Variants in GPR137C observed in about 807,000 individuals in gnomAD.
GPR137C encodes G protein-coupled receptor 137C.
Under a neutral mutation model 43.4 loss-of-function variants are expected in GPR137C, and 27 were observed. The ratio of observed to expected loss-of-function variants is 0.62; its 90% CI spans 0.46 to 0.86. The LOEUF (loss-of-function observed/expected upper bound fraction) is 0.86. Among genes scored for constraint, GPR137C ranks in the 40% least tolerant of loss-of-function variants. The probability of loss-of-function intolerance (pLI) is 0.00; values close to 1 mark genes in which losing one functional copy is unlikely to be tolerated. For synonymous variants in GPR137C, 285 were observed against 226.9 expected (o/e 1.26, Z -2.30); for missense variants, 522 against 534.6 (o/e 0.98, Z 0.23).
intron 3 of GPR137C, among the ~76,000 whole-genome samples, chr14:52,607,491 T>C (rs571263176): frequency 7.4e-4 from 112 of 152,364 alleles, no homozygotes; most frequent in African/African-American, 2.7e-3. Context: ...GTTGGATGTA[T>C]ATATATTTAT....
rs28360880 is a variant in GPR137C, at chr14:52,601,498, G to A, written c.717+1157G>A. The stretch of plus-strand genomic sequence containing the variant: ...ATATTATGTGTGTGTGTGTGTGTGT[G>A]TATATATATATAGAGAGAGAGAGAG... On this transcript the variant is annotated intron_variant, in intron 3 of 6. Coordinates refer to ENST00000321662, the MANE Select transcript of GPR137C (RefSeq NM_001099652.2). 4.4e-3 allele frequency among the ~76,000 whole-genome samples: 652 copies of A among 148,276 alleles called. 1 individual carries two copies. Among genetic ancestry groups the A allele is most frequent in the African/African-American group, 0.01 (419 of 40,754 alleles).
intron 1 of GPR137C, among the ~76,000 whole-genome samples, chr14:52,592,441 T>C (rs1318840325): frequency 6.6e-6 from 1 of 152,234 alleles, no homozygotes; most frequent in Non-Finnish European, 1.5e-5. Flanking sequence ...ATTTTCATGA[T>C]ACTGCTTCTT....
chr14:52,625,532 C>CTTTTTTTTTTTTTT (rs770278309), intron 3 of GPR137C, among the ~76,000 whole-genome samples: 1 of 36,058 alleles, frequency 2.8e-5, no homozygotes, highest in Non-Finnish European at 5.0e-5. Flanking sequence ...AAGAACACAT[C>CTTTTTTTTTTTTTT]TTTTTTTTTT....
intron 1 of GPR137C, among the ~76,000 whole-genome samples, chr14:52,563,468 C>T (rs989979401): frequency 2.6e-5 from 4 of 152,104 alleles, no homozygotes; most frequent in African/African-American, 9.7e-5. Flanking sequence ...CCTCTCCCAC[C>T]CTACACCTAT....
At chr14:52,572,333 A>G (rs541176625) in intron 1 of GPR137C, among the ~76,000 whole-genome samples, 2 of 152,354 alleles carry the variant, frequency 1.3e-5, no homozygotes, top group East Asian at 1.9e-4. Flanking sequence ...ATGAACATCA[A>G]TGTGAAAATC....
chr14:52,560,315 C>T (rs954269615), intron 1 of GPR137C, among the ~76,000 whole-genome samples: 6 of 152,142 alleles, frequency 3.9e-5, no homozygotes, highest in African/African-American at 1.4e-4. Context: ...AAGCTCATTG[C>T]TTTTAAGGTG....
At chr14:52,602,503 C>T (rs1416515127) in intron 3 of GPR137C, among the ~76,000 whole-genome samples, 2 of 152,080 alleles carry the variant, frequency 1.3e-5, no homozygotes, top group African/African-American at 4.8e-5. Context: ...TAATTTGTCT[C>T]AACCAATCTT....
intron 3 of GPR137C, among the ~76,000 whole-genome samples, chr14:52,618,211 T>TTACCAAAGAGTA (rs2039121266): frequency 6.6e-6 from 1 of 152,214 alleles, no homozygotes; most frequent in South Asian, 2.1e-4. Context: ...TTGACCTGTC[T>TTACCAAAGAGTA]GATAGATTAC....
At chr14:52,595,834 G>A (rs201359730) in intron 1 of GPR137C, among the ~76,000 whole-genome samples, 7 of 152,102 alleles carry the variant, frequency 4.6e-5, no homozygotes, top group Admixed American at 1.3e-4. Flanking sequence ...CGTCAAACTC[G>A]TTCTCCATCC....
intron 3 of GPR137C, among the ~76,000 whole-genome samples, chr14:52,608,609 A>G (rs2039007439): frequency 6.6e-6 from 1 of 152,146 alleles, no homozygotes; most frequent in African/African-American, 2.4e-5. Flanking sequence ...TCCCTTTAGC[A>G]TTTATTGTAG....
intron 3 of GPR137C, among the ~76,000 whole-genome samples, chr14:52,624,095 C>A (rs937060913): frequency 2.0e-5 from 3 of 150,230 alleles, no homozygotes; most frequent in Non-Finnish European, 3.0e-5. Context: ...AGTTTTATTT[C>A]TAATTAAATT....
intron 1 of GPR137C, among the ~76,000 whole-genome samples, chr14:52,596,467 G>A (rs954452811): frequency 6.6e-6 from 1 of 152,268 alleles, no homozygotes. Flanking sequence ...CTGAGCTGCG[G>A]TGGGCTCTGC....
chr14:52,599,100 G>A (rs577632829), intron 2 of GPR137C, among the ~76,000 whole-genome samples: 1 of 152,252 alleles, frequency 6.6e-6, no homozygotes, highest in Non-Finnish European at 1.5e-5. Context: ...TATTTAATTT[G>A]GAAGTATAAA....
At chr14:52,610,642 G>T (rs2039028973) in intron 3 of GPR137C, among the ~76,000 whole-genome samples, 1 of 152,178 alleles carries the variant, frequency 6.6e-6, no homozygotes, top group Non-Finnish European at 1.5e-5. Flanking sequence ...TCCACTTAGG[G>T]TTTTGGAACA....
At chr14:52,568,663 AAAC>A (rs2139453401) in intron 1 of GPR137C, among the ~76,000 whole-genome samples, 1 of 152,334 alleles carries the variant, frequency 6.6e-6, no homozygotes, top group African/African-American at 2.4e-5. Context: ...CTCAGGGTGT[AAAC>A]AAAGCCACCT....
In GPR137C at chr14:52,553,144, C is replaced by A; in HGVS notation, c.-4C>A. On this transcript the variant is annotated 5_prime_UTR_variant, in exon 1 of 7. Coordinates refer to ENST00000321662, the MANE Select transcript of GPR137C (RefSeq NM_001099652.2). ...CGCTCGCTCGCCCGGCCCCCAGCCC[C>A]CTCATGAGGGTGTCCGTGCCGGGTC... 8.6e-7 allele frequency: 1 copy of A among 1,168,886 alleles called. No individual in the cohort carries two copies. Among genetic ancestry groups the A allele is most frequent in the South Asian group, 4.2e-5 (1 of 23,730 alleles). 72.4% of individuals were successfully genotyped at this position (1,168,886 alleles called of 1,614,324 possible).
At chr14:52,604,076 A>T (rs555383527) in intron 3 of GPR137C, among the ~76,000 whole-genome samples, 2 of 152,066 alleles carry the variant, frequency 1.3e-5, no homozygotes, top group Non-Finnish European at 2.9e-5. Context: ...AGAGATGTCT[A>T]TTCAGGTATG....
intron 3 of GPR137C, among the ~76,000 whole-genome samples, chr14:52,627,686 A>G (rs2039244465): frequency 6.6e-6 from 1 of 152,058 alleles, no homozygotes; most frequent in African/African-American, 2.4e-5. Flanking sequence ...TCTACTAAAA[A>G]TACAAAAATT....
In GPR137C at chr14:52,617,015, T is replaced by C. The variant is rs544669369; in HGVS notation, c.718-15145T>C. ...CTATACAGTGTCTCCAGAAAAGATA[T>C]TTTGCCCAGATTCAGTACCTAAAAA... On this transcript the variant is annotated intron_variant, in intron 3 of 6. Transcript: ENST00000321662. 1.8e-4 allele frequency among the ~76,000 whole-genome samples: 27 copies of C among 152,326 alleles called. No individual in the cohort carries two copies. The South Asian group carries it at 1.9e-3, about 11-fold the overall frequency.
Sources: allele counts gnomAD v4.1 joint callset (sites outside exome capture counted in the v4.1 genomes callset), GRCh38; gene constraint gnomAD v4.1.1; transcripts MANE v1.5; gene names NCBI Gene and HGNC (gene_info 2026-07-23, HGNC 2026-07-21).